The following CDON variants were observed in gnomAD, a reference collection of about 807,000 sequenced individuals.
CDON encodes the protein cell adhesion molecule-related/down-regulated by oncogenes.
In CDON, 73 loss-of-function variants were observed where a neutral mutation model predicts 120.9. The observed-to-expected ratio is 0.60, with a 90% CI of 0.50 to 0.73. CDON has a LOEUF of 0.73. Ranked by LOEUF, CDON falls within the 30% of genes least tolerant of loss-of-function variation. The probability of loss-of-function intolerance (pLI) is 0.00; values close to 1 mark genes in which losing one functional copy is unlikely to be tolerated. For missense variants in CDON, 1,470 were observed against 1,587.3 expected, an observed-to-expected ratio of 0.93 and a Z score of 1.26; for synonymous variants, 566 against 573.5, an observed-to-expected ratio of 0.99 and a Z score of 0.19.
intron 9 of CDON, chr11:126,005,493 T>C: frequency 2.0e-6 from 1 of 499,270 alleles, no homozygotes; most frequent in South Asian, 2.2e-5. Flanking sequence ...TAGAGCTTTA[T>C]GTTGAAGGGC....
In CDON at chr11:126,023,197, A is replaced by T. The variant is rs551453239; in HGVS notation, c.76+204T>A. On this transcript the variant is annotated intron_variant, in intron 2 of 19. Transcript: ENST00000531738. Reference sequence around the variant, plus strand: ...GATAAATTATAAGGGCCAGGACAGGAAGGCCTGCTAATGCCCAAAGCACTA... The same window carrying T: ...GATAAATTATAAGGGCCAGGACAGGTAGGCCTGCTAATGCCCAAAGCACTA... 6.0e-4 allele frequency among the ~76,000 whole-genome samples: 91 copies of T among 152,316 alleles called. 1 individual carries two copies. The highest frequency in any genetic ancestry group is 4.3e-3 in the Admixed American group (66 of 15,308).
In CDON at chr11:126,062,860, C is replaced by G. The variant is rs1383025871; in HGVS notation, c.-343G>C. On this transcript the variant is annotated 5_prime_UTR_variant, in exon 1 of 20. Coordinates refer to ENST00000531738, the MANE Select transcript of CDON (RefSeq NM_001378964.1). The stretch of plus-strand genomic sequence containing the variant: ...GGCTCAGGGGAGGGGAGCTGAGGGG[C>G]GGAGTCACCGGGGCGCGCCCCCGCG... 6.6e-6 allele frequency: 1 copy of G among 151,582 alleles called. No homozygotes were observed. Among genetic ancestry groups the G allele is most frequent in the African/African-American group, 2.4e-5 (1 of 41,278 alleles). The allele number at this position is 151,582 out of a possible 1,614,324, so 9.4% of individuals were successfully genotyped here.
chr11:125,983,045 A>G lies in CDON; in HGVS notation c.2995+827T>C, dbSNP rs1372111033. Among the ~76,000 whole-genome samples the G allele has an allele frequency of 2.0e-5, 3 of 152,178 alleles. No homozygotes were observed. In the East Asian group the frequency reaches 5.8e-4, roughly 29 times the overall value. On this transcript the variant is annotated intron_variant, in intron 16 of 19. Coordinates refer to ENST00000531738, the MANE Select transcript of CDON (RefSeq NM_001378964.1). ...CTTTCTTCCCCCAGAACTGGTAACT[A>G]AAAGGGGAGCATGCGTGAGAACTGG...
At chr11:126,057,526 C>T (rs1948708720) in intron 1 of CDON, among the ~76,000 whole-genome samples, 2 of 152,160 alleles carry the variant, frequency 1.3e-5, no homozygotes, top group South Asian at 2.1e-4. Context: ...AGAATAGCTG[C>T]TGCCTGCTAG....
intron 1 of CDON, among the ~76,000 whole-genome samples, chr11:126,040,319 A>G (rs1282526054): frequency 6.6e-6 from 1 of 152,152 alleles, no homozygotes; most frequent in Non-Finnish European, 1.5e-5. Flanking sequence ...GACCTTGTCT[A>G]TTTTGCTCAT....
Position 126,015,442 on chromosome 11 carries a change from A to T in CDON, c.997T>A (p.Cys333Ser). The change falls in exon 7 of 20, where the codon TGC becomes AGC. Residue 333 changes from cysteine (C) to serine (S), a missense_variant. By Grantham distance (112) the Cys-to-Ser change is moderately radical (BLOSUM62 -1). Transcript: ENST00000531738. ...VSLGATVHFT[C>S]DVHGNPAPNC... ...GGGGCTGGGTTCCCATGAACGTCGC[A>T]GGTAAAGTGTACTGTGGCACCCAGA... 6 of 1,614,100 alleles carry T rather than the reference A, an allele frequency of 3.7e-6. No individual in the cohort carries two copies. Among genetic ancestry groups the T allele is most frequent in the Non-Finnish European group, 5.1e-6 (6 of 1,179,964 alleles).
In CDON at chr11:126,019,625, A is replaced by C; in HGVS notation, c.490T>G (p.Ser164Ala). 6.2e-7 allele frequency: 1 copy of C among 1,614,062 alleles called. No individual in the cohort carries two copies. The highest frequency in any genetic ancestry group is 1.1e-5 in the South Asian group (1 of 91,072). Residue 164 changes from serine to alanine, a missense_variant, in exon 4 of 20, where the codon TCC becomes GCC. Transcript: ENST00000531738. The stretch of plus-strand genomic sequence containing the variant: ...TTTTCACAAAAGGTCTCACCTGTGG[A>C]ATGTTCCAGCCATTTTCCCCGGATT... ...YKIRGKWLEH[S>A]TENYLILPSG... is the part of the protein sequence containing the mutation.
intron 11 of CDON, among the ~76,000 whole-genome samples, chr11:125,999,386 G>A (rs144792133): frequency 6.6e-5 from 10 of 152,268 alleles, no homozygotes; most frequent in African/African-American, 1.2e-4. Context: ...AGTTAGAAGC[G>A]GACTTGGGTA....
chr11:126,015,614 A>G, intron 6 of CDON, 104 bp from the exon 7 acceptor site: 1 of 1,210,058 alleles, frequency 8.3e-7, no homozygotes, highest in Non-Finnish European at 1.2e-6. Flanking sequence ...CAGTTGAAAC[A>G]AAGTTGCATT....
At chr11:126,059,023 T>A (rs1326805819) in intron 1 of CDON, among the ~76,000 whole-genome samples, 1 of 152,194 alleles carries the variant, frequency 6.6e-6, no homozygotes, top group East Asian at 1.9e-4. Context: ...AATAATAATG[T>A]AACAGAAACA....
chr11:125,960,919 C>T lies in CDON; in HGVS notation c.*23G>A. 1 of 1,613,136 alleles carries T rather than the reference C, an allele frequency of 6.2e-7. No homozygotes were observed. Among genetic ancestry groups the T allele is most frequent in the African/African-American group, 1.3e-5 (1 of 75,020 alleles). On this transcript the variant is annotated 3_prime_UTR_variant, in exon 20 of 20. Coordinates refer to ENST00000531738, the MANE Select transcript of CDON (RefSeq NM_001378964.1). The stretch of plus-strand genomic sequence containing the variant: ...TGCAGTTACCGGCTTGAAGTTGGAA[C>T]ATGACTGGTTGTTTGCATGTCCTCA...
chr11:125,985,620 G>A (rs1048182677), intron 15 of CDON, among the ~76,000 whole-genome samples: 3 of 152,140 alleles, frequency 2.0e-5, no homozygotes, highest in Admixed American at 6.5e-5. Flanking sequence ...TGTTATTATT[G>A]CTTATTATAC....
At chr11:126,052,642 G>A (rs1441778045) in intron 1 of CDON, among the ~76,000 whole-genome samples, 1 of 152,162 alleles carries the variant, frequency 6.6e-6, no homozygotes, top group East Asian at 1.9e-4. Context: ...GGCCAACATG[G>A]CGAAACCCTG....
At chr11:126,028,510 G>A (rs775638650) in intron 1 of CDON, among the ~76,000 whole-genome samples, 10 of 151,888 alleles carry the variant, frequency 6.6e-5, no homozygotes, top group African/African-American at 1.7e-4. Flanking sequence ...TTACAGGCAC[G>A]TGCCAACATG....
Position 125,989,677 on chromosome 11 carries a change from T to C in CDON, c.2733A>G (p.Gly911=), listed in dbSNP as rs1946573014. Residue 911 remains glycine, a synonymous_variant, in exon 15 of 20, where the codon GGA becomes GGG. Coordinates refer to ENST00000531738, the MANE Select transcript of CDON (RefSeq NM_001378964.1). The part of the protein sequence containing the change: ...DIKMQCFNEG[G]ESEFSNVMIC... ...TCATCACATTGCTAAATTCACTTTC[T>C]CCTCCTTCATTGAAGCATTGCATTT... The C allele has an allele frequency of 6.2e-7, 1 of 1,613,460 alleles. No individual in the cohort carries two copies.
chr11:126,006,125 G>A (rs1947122811), intron 8 of CDON, 68 bp from the exon 9 acceptor site: 1 of 1,430,184 alleles, frequency 7.0e-7, no homozygotes, highest in Non-Finnish European at 9.8e-7. Flanking sequence ...CCCAGTTTGT[G>A]ACGTGACTGC....
intron 1 of CDON, among the ~76,000 whole-genome samples, chr11:126,054,963 T>C (rs911160672): frequency 6.6e-6 from 1 of 152,194 alleles, no homozygotes; most frequent in Non-Finnish European, 1.5e-5. Context: ...GCAGCCGGGA[T>C]GGCAGAAGCT....
chr11:126,015,906 A>G (rs1947454033), intron 6 of CDON, among the ~76,000 whole-genome samples: 1 of 152,236 alleles, frequency 6.6e-6, no homozygotes, highest in South Asian at 2.1e-4. Flanking sequence ...CGTTTTACTC[A>G]GAGGTTAAAT....
intron 1 of CDON, among the ~76,000 whole-genome samples, chr11:126,036,941 G>A (rs1948114514): frequency 6.6e-6 from 1 of 152,160 alleles, no homozygotes; most frequent in Non-Finnish European, 1.5e-5. Context: ...GCCTGCCTCA[G>A]CCGCCCAAAG....
Sources: allele counts gnomAD v4.1 joint callset (sites outside exome capture counted in the v4.1 genomes callset), GRCh38; gene constraint gnomAD v4.1.1; transcripts MANE v1.5; gene names NCBI Gene and HGNC (gene_info 2026-07-23, HGNC 2026-07-21).